The following DAGLA variants were observed in gnomAD, a reference collection of about 807,000 sequenced individuals.
The protein encoded by DAGLA is diacylglycerol lipase-alpha.
Under a neutral mutation model 102.6 loss-of-function variants are expected in DAGLA, and 22 were observed. The ratio of observed to expected loss-of-function variants is 0.21; its 90% CI spans 0.15 to 0.31. The LOEUF (loss-of-function observed/expected upper bound fraction) is 0.31, where lower values mean the gene tolerates loss of function less well. Among genes scored for constraint, DAGLA ranks in the 10% least tolerant of loss-of-function variants. The pLI is 1.00. For synonymous variants in DAGLA, 578 were observed against 628.9 expected, an observed-to-expected ratio of 0.92 and a Z score of 1.21; for missense variants, 927 against 1,446.6, an observed-to-expected ratio of 0.64 and a Z score of 5.83.
intron 3 of DAGLA, 142 bp from the exon 4 acceptor site, chr11:61,722,717 G>C: frequency 3.0e-6 from 2 of 669,292 alleles, no homozygotes; most frequent in Non-Finnish European, 5.2e-6. Context: ...GGGGTGGGGG[G>C]TCTGCTAATG....
intron 17 of DAGLA, 81 bp downstream of exon 17, chr11:61,739,742 A>C: frequency 1.4e-6 from 2 of 1,418,516 alleles, no homozygotes; most frequent in Non-Finnish European, 1.9e-6. Flanking sequence ...CCTTGGCTCA[A>C]TCACCGCTCG....
chr11:61,717,401 C>T (rs1378960068), intron 1 of DAGLA, among the ~76,000 whole-genome samples: 1 of 152,090 alleles, frequency 6.6e-6, no homozygotes, highest in Non-Finnish European at 1.5e-5. Flanking sequence ...TGGTGACCAG[C>T]CGGAGATTCC....
At chr11:61,736,621 C>G (rs949287160) in intron 13 of DAGLA, among the ~76,000 whole-genome samples, 1 of 152,226 alleles carries the variant, frequency 6.6e-6, no homozygotes, top group African/African-American at 2.4e-5. Flanking sequence ...GGCTTTTAAG[C>G]CTCATAGCTG....
Position 61,721,120 on chromosome 11 carries a change from G to A in DAGLA, c.307+230G>A, listed in dbSNP as rs529281638. Among the ~76,000 whole-genome samples, 169 of 152,360 alleles carry A rather than the reference G, an allele frequency of 1.1e-3. 1 individual carries two copies. Among genetic ancestry groups the A allele is most frequent in the African/African-American group, 3.9e-3 (164 of 41,594 alleles). Reference sequence around the variant, plus strand: ...GTTATTAAATAAGGTTTTAGGCTGGGTGTGGTGGCTCATGCCTGTAATCCC... The same window carrying A: ...GTTATTAAATAAGGTTTTAGGCTGGATGTGGTGGCTCATGCCTGTAATCCC... On this transcript the variant is annotated intron_variant, in intron 3 of 19. Transcript: ENST00000257215.
chr11:61,713,506 T>C (rs1368677468), intron 1 of DAGLA, among the ~76,000 whole-genome samples: 18 of 152,210 alleles, frequency 1.2e-4, no homozygotes, highest in Admixed American at 1.1e-3. Context: ...CTGAGATCAT[T>C]CTGTCCCTGT....
At chr11:61,735,259 C>T (rs1313894406) in intron 10 of DAGLA, among the ~76,000 whole-genome samples, 2 of 152,186 alleles carry the variant, frequency 1.3e-5, no homozygotes, top group Non-Finnish European at 2.9e-5. Flanking sequence ...GAGCCCTAGC[C>T]CTTTAGGGAA....
chr11:61,691,763 A>G (rs1245616832), intron 1 of DAGLA, among the ~76,000 whole-genome samples: 3 of 152,242 alleles, frequency 2.0e-5, no homozygotes, highest in African/African-American at 7.2e-5. Context: ...TGTAGGGTTG[A>G]GAACTCAGGC....
At chr11:61,733,983 G>T (rs971420344) in intron 9 of DAGLA, among the ~76,000 whole-genome samples, 1 of 152,212 alleles carries the variant, frequency 6.6e-6, no homozygotes, top group Admixed American at 6.5e-5. Context: ...TGAACACGCT[G>T]GCAGCAGGTC....
intron 1 of DAGLA, among the ~76,000 whole-genome samples, chr11:61,680,835 A>G (rs1192072421): frequency 6.6e-6 from 1 of 152,046 alleles, no homozygotes; most frequent in Non-Finnish European, 1.5e-5. Context: ...CTGCACAGGT[A>G]GGTGATGGGC....
At position 61,684,277 on chromosome 11, in the gene DAGLA, G is replaced by T. The variant is rs1479054385; in HGVS notation, c.-45+3773G>T. On this transcript the variant is annotated intron_variant, in intron 1 of 19. Transcript: ENST00000257215. The surrounding 1 kb of genome is among the most constrained non-coding windows in gnomAD (Gnocchi z 4.5). Reference sequence around the variant, plus strand: ...CCAGTGGACTGGGCAAGTAGCGCTGGGGGAAATATCAATGAGCATGTGGTC... The same window carrying T: ...CCAGTGGACTGGGCAAGTAGCGCTGTGGGAAATATCAATGAGCATGTGGTC... Among the ~76,000 whole-genome samples, 1 of 152,240 alleles carries T rather than the reference G, an allele frequency of 6.6e-6. No individual in the cohort carries two copies. The highest frequency in any genetic ancestry group is 1.5e-5 in the Non-Finnish European group (1 of 68,044).
intron 9 of DAGLA, among the ~76,000 whole-genome samples, chr11:61,732,877 T>G (rs562425880): frequency 6.6e-6 from 1 of 152,112 alleles, no homozygotes; most frequent in East Asian, 1.9e-4. Flanking sequence ...TCTCAGCCCA[T>G]GCAGAGCACA....
chr11:61,733,554 C>A (rs1253446082), intron 9 of DAGLA, among the ~76,000 whole-genome samples: 1 of 152,236 alleles, frequency 6.6e-6, no homozygotes, highest in Non-Finnish European at 1.5e-5. Flanking sequence ...CTGGCAGGCC[C>A]AGTCACGTGG....
In DAGLA at chr11:61,708,090, C is replaced by T. The variant is rs531263570; in HGVS notation, c.-44-12022C>T. Among the ~76,000 whole-genome samples the T allele has an allele frequency of 5.9e-5, 9 of 152,264 alleles. No homozygotes were observed. In the South Asian group the frequency reaches 1.9e-3, roughly 32 times the overall value. On this transcript the variant is annotated intron_variant, in intron 1 of 19. Transcript: ENST00000257215. ...TGACGCAGTCTCGGCTCATTGCAACCTCTGCCTCCCTGGTTCAAGCGATTC... is the reference window on the plus strand; with the variant it reads ...TGACGCAGTCTCGGCTCATTGCAACTTCTGCCTCCCTGGTTCAAGCGATTC...
chr11:61,735,061 G>T, intron 10 of DAGLA, 59 bp downstream of exon 10: 3 of 1,577,646 alleles, frequency 1.9e-6, no homozygotes, highest in Non-Finnish European at 1.7e-6. Flanking sequence ...GGCCTAGGGT[G>T]CTGAGGCTAT....
At chr11:61,741,452 C>A in intron 19 of DAGLA, 103 bp downstream of exon 19, 1 of 1,283,382 alleles carries the variant, frequency 7.8e-7, no homozygotes. Context: ...CTCAGCTCTG[C>A]ACACGTGCAC....
intron 1 of DAGLA, among the ~76,000 whole-genome samples, chr11:61,688,388 C>T (rs1565245062): frequency 6.6e-6 from 1 of 151,482 alleles, no homozygotes; most frequent in East Asian, 1.9e-4. Context: ...GCTGGGAATA[C>T]TTAAGGCTGG....
rs1019053327 is a variant in DAGLA, at chr11:61,722,968, TG to T, written c.409+11del. On this transcript the variant is annotated intron_variant, in intron 4 of 19. Transcript: ENST00000257215. ...CCAAGAATGTCACCCTCGGTACGTC[TG>T]GGTGAGGCCTGCTGGAGCCTCAGCA... is the stretch of plus-strand genomic sequence containing the variant. 6.2e-6 allele frequency: 10 copies of T among 1,606,038 alleles called. No homozygotes were observed. In the South Asian group the frequency reaches 7.7e-5, roughly 12 times the overall value.
At chr11:61,681,032 C>T (rs2064937749) in intron 1 of DAGLA, among the ~76,000 whole-genome samples, 2 of 152,114 alleles carry the variant, frequency 1.3e-5, no homozygotes, top group African/African-American at 4.8e-5. Flanking sequence ...GGCTAGAGTT[C>T]CTGGCATGAC....
At chr11:61,722,794 G>T (rs969120157) in intron 3 of DAGLA, 65 bp from the exon 4 acceptor site, 18 of 1,413,708 alleles carry the variant, frequency 1.3e-5, no homozygotes, top group African/African-American at 4.2e-5. Flanking sequence ...CCAGGCCGGG[G>T]TTCTAGGCCC....
Sources: gnomAD v4.1 joint callset for allele counts (sites outside exome capture counted in the v4.1 genomes callset) on GRCh38, gnomAD v4.1.1 for gene constraint, Gnocchi (gnomAD v3.1) non-coding constraint, MANE v1.5 for transcripts, NCBI Gene and HGNC (gene_info 2026-07-23, HGNC 2026-07-21) for gene names.